Variants in IDE observed in about 807,000 individuals in gnomAD.
IDE encodes the protein insulin degrading enzyme.
IDE carries 58 observed loss-of-function variants against 133.2 expected under a neutral mutation model. The observed-to-expected ratio is 0.44, with a 90% confidence interval of 0.35 to 0.54. The LOEUF is 0.54. Ranked by LOEUF, IDE falls within the 20% of genes least tolerant of loss-of-function variation. IDE has a pLI of 0.00. For missense variants in IDE, 981 were observed against 1,234.0 expected, an observed-to-expected ratio of 0.79 and a Z score of 3.07; for synonymous variants, 396 against 421.3, an observed-to-expected ratio of 0.94 and a Z score of 0.73.
At chr10:92,564,383 T>C (rs1364046184) in intron 1 of IDE, among the ~76,000 whole-genome samples, 2 of 151,974 alleles carry the variant, frequency 1.3e-5, no homozygotes, top group African/African-American at 4.8e-5. Flanking sequence ...TATAAGAAAC[T>C]GTACTAGGCC....
At chr10:92,517,387 C>G (rs1453884185) in intron 4 of IDE, among the ~76,000 whole-genome samples, 3 of 152,070 alleles carry the variant, frequency 2.0e-5, no homozygotes, top group Non-Finnish European at 4.4e-5. Context: ...CTAGAAGTAG[C>G]CTATCACCCA....
intron 1 of IDE, among the ~76,000 whole-genome samples, chr10:92,560,058 T>G (rs1843204641): frequency 6.6e-6 from 1 of 152,170 alleles, no homozygotes. Context: ...AACTCTAGTG[T>G]GCTTCATTGA....
At chr10:92,503,602 T>C (rs891107618) in intron 11 of IDE, among the ~76,000 whole-genome samples, 3 of 152,112 alleles carry the variant, frequency 2.0e-5, no homozygotes, top group African/African-American at 7.2e-5. Context: ...ACCTAAACAG[T>C]ATAGTGCAAG....
rs116553763 is a variant in IDE, at chr10:92,571,272, G to C, written c.98+2650C>G. On this transcript the variant is annotated intron_variant, in intron 1 of 24. Transcript: ENST00000265986. ...CAAGTGATCCCCCCGACCTCGCCCT[G>C]TCAAAGTGTTGGGATTACAGGCATG... Among the ~76,000 whole-genome samples the C allele has an allele frequency of 7.6e-3, 1,157 of 152,166 alleles. 16 individuals are homozygous for C. The highest frequency in any genetic ancestry group is 0.027 in the African/African-American group (1,106 of 41,546).
chr10:92,487,078 T>TG, intron 13 of IDE, 118 bp downstream of exon 13: 1 of 904,794 alleles, frequency 1.1e-6, no homozygotes, highest in South Asian at 1.9e-5. Context: ...TTTTGTCACC[T>TG]ATTAGGATGT....
intron 4 of IDE, among the ~76,000 whole-genome samples, chr10:92,531,015 C>T (rs2135668543): frequency 6.6e-6 from 1 of 152,132 alleles, no homozygotes; most frequent in East Asian, 1.9e-4. Flanking sequence ...TTTTATAATA[C>T]CCAAAACAGT....
At chr10:92,521,999 T>C (rs1589466455) in intron 4 of IDE, among the ~76,000 whole-genome samples, 2 of 151,890 alleles carry the variant, frequency 1.3e-5, no homozygotes, top group Admixed American at 6.6e-5. Flanking sequence ...AGGGGCAGGG[T>C]GATGCACACA....
chr10:92,534,834 T>G, intron 2 of IDE, 49 bp from the exon 3 acceptor site: 1 of 1,399,532 alleles, frequency 7.1e-7, no homozygotes, highest in South Asian at 1.2e-5. Context: ...ATGCTGAAAG[T>G]TAGTAAGTAC....
At chr10:92,495,123 G>A (rs1331237880) in intron 11 of IDE, among the ~76,000 whole-genome samples, 1 of 150,586 alleles carries the variant, frequency 6.6e-6, no homozygotes, top group Non-Finnish European at 1.5e-5. Context: ...GAGTGCAGTG[G>A]TATGATCTCG....
chr10:92,573,962 C>A lies in IDE; in HGVS notation c.58G>T (p.Val20Phe). The A allele has an allele frequency of 6.7e-7, 1 of 1,486,138 alleles. No individual in the cohort carries two copies. Among genetic ancestry groups the A allele is most frequent in the East Asian group, 2.9e-5 (1 of 34,624 alleles). 92.1% of individuals were successfully genotyped at this position (1,486,138 alleles called of 1,614,324 possible). Reference sequence around the variant, plus strand: ...GGAGGCGGCAGGCGGGCGCCGAGGACTGAGCGGAAGGTGCTGGGCAGTGCG... The same window carrying A: ...GGAGGCGGCAGGCGGGCGCCGAGGAATGAGCGGAAGGTGCTGGGCAGTGCG... Reference protein sequence around the residue: ...HPALPSTFRSVLGARLPPPER... With the variant: ...HPALPSTFRSFLGARLPPPER... Residue 20 changes from valine to phenylalanine, a missense_variant, in exon 1 of 25, where the codon GTC (valine) becomes TTC (phenylalanine). Transcript: ENST00000265986.
intron 21 of IDE, among the ~76,000 whole-genome samples, chr10:92,462,483 C>T (rs1032464675): frequency 2.0e-5 from 3 of 152,106 alleles, no homozygotes; most frequent in Non-Finnish European, 4.4e-5. Flanking sequence ...GTGGCACATG[C>T]CTGTAATCCC....
intron 14 of IDE, among the ~76,000 whole-genome samples, chr10:92,483,031 C>A (rs1416997145): frequency 1.3e-5 from 2 of 152,202 alleles, no homozygotes; most frequent in Non-Finnish European, 2.9e-5. Context: ...CCGCCCGCCT[C>A]AGCCTCCCAA....
chr10:92,564,192 A>C (rs1843412139), intron 1 of IDE, among the ~76,000 whole-genome samples: 1 of 152,192 alleles, frequency 6.6e-6, no homozygotes, highest in African/African-American at 2.4e-5. Context: ...GAAAGAAAAA[A>C]ATTTGAGAAC....
chr10:92,466,362 G>A (rs987669423), intron 19 of IDE, among the ~76,000 whole-genome samples: 10 of 151,884 alleles, frequency 6.6e-5, no homozygotes, highest in South Asian at 2.1e-4. Context: ...TGTCACCCAG[G>A]CTGGAGTGAA....
At chr10:92,479,722 A>C in intron 14 of IDE, 1 of 254,854 alleles carries the variant, frequency 3.9e-6, no homozygotes, top group Non-Finnish European at 7.7e-6. Flanking sequence ...CAAGTTAGAA[A>C]TGCAGGGTAT....
intron 7 of IDE, 106 bp downstream of exon 7, chr10:92,508,621 TG>T: frequency 1.1e-6 from 1 of 947,024 alleles, no homozygotes; most frequent in Non-Finnish European, 1.6e-6. Flanking sequence ...TAACCCAAAA[TG>T]GTCACATCTA....
Position 92,472,642 on chromosome 10 carries a change from C to CT in IDE, c.2116+2198dup, listed in dbSNP as rs35959170. Among the ~76,000 whole-genome samples the CT allele has an allele frequency of 6.3e-3, 791 of 125,892 alleles. 8 individuals carry two copies. The highest frequency in any genetic ancestry group is 0.017 in the East Asian group (77 of 4,402). The allele number at this position is 125,892 out of a possible 152,430, so 82.6% of individuals were successfully genotyped here. A position where few individuals can be genotyped will look rare whatever the true frequency, so the allele number is the denominator to read the frequency against. On this transcript the variant is annotated intron_variant, in intron 17 of 24. Coordinates refer to ENST00000265986, the MANE Select transcript of IDE (RefSeq NM_004969.4). Reference sequence around the variant, plus strand: ...GGTTATTAAAACATTCAACAGAATTCTTTTTTTTTTTTTTTTTTTGAGATG... The same window carrying CT: ...GGTTATTAAAACATTCAACAGAATTCTTTTTTTTTTTTTTTTTTTTGAGATG...
chr10:92,496,718 C>T (rs1307345222), intron 11 of IDE, among the ~76,000 whole-genome samples: 1 of 152,038 alleles, frequency 6.6e-6, no homozygotes, highest in East Asian at 1.9e-4. Context: ...CCCAGGAGGC[C>T]GAGGCTGCAG....
At position 92,461,209 on chromosome 10, in the gene IDE, A is replaced by G; in HGVS notation, c.2805T>C (p.Asp935=). 3.5e-6 allele frequency: 5 copies of G among 1,439,680 alleles called. No homozygotes were observed. The highest frequency in any genetic ancestry group is 4.9e-6 in the Non-Finnish European group (5 of 1,022,526). The allele number at this position is 1,439,680 out of a possible 1,614,324, so 89.2% of individuals were successfully genotyped here. The change falls in exon 22 of 25, where the codon GAT becomes GAC. Residue 935 remains aspartate (D), a synonymous_variant. Coordinates refer to ENST00000265986, the MANE Select transcript of IDE (RefSeq NM_004969.4). ...GACTTACCTTGTAGAATTTGATGATATCTTCCTTGGTAAGTGTCTTTAAAT... is the reference window on the plus strand; with the variant it reads ...GACTTACCTTGTAGAATTTGATGATGTCTTCCTTGGTAAGTGTCTTTAAAT... ...VAYLKTLTKE[D]IIKFYKEMLA... is the part of the protein sequence containing the mutation.
Sources: allele counts gnomAD v4.1 joint callset (sites outside exome capture counted in the v4.1 genomes callset), GRCh38; gene constraint gnomAD v4.1.1; transcripts MANE v1.5; gene names NCBI Gene and HGNC (gene_info 2026-07-23, HGNC 2026-07-21).